The following SETBP1 variants were observed in gnomAD, a reference collection of about 807,000 sequenced individuals.
SETBP1 encodes the protein SET binding protein 1.
A neutral mutation model predicts 101.0 loss-of-function variants in SETBP1; 9 were observed. The ratio of observed to expected loss-of-function variants is 0.09; its 90% CI spans 0.05 to 0.16. The LOEUF is 0.16. Ranked by LOEUF, SETBP1 falls within the 10% of genes least tolerant of loss-of-function variation. SETBP1 has a pLI of 1.00. For synonymous variants in SETBP1, 818 were observed against 788.5 expected (o/e 1.04, Z -0.63); for missense variants, 1,858 against 2,033.8 (o/e 0.91, Z 1.66).
In SETBP1 at chr18:44,829,353, C is replaced by CTA. The variant is rs1309845167; in HGVS notation, c.487-39875_487-39874dup. Among the ~76,000 whole-genome samples the CTA allele has an allele frequency of 2.0e-5, 3 of 152,206 alleles. No homozygotes were observed. The East Asian group carries it at 5.8e-4, about 29-fold the overall frequency. ...TAATTTTTTTTGGTCAAGTATAATT[C>CTA]TATTGAAAAGACGAAATTTTGCTGA... On this transcript the variant is annotated intron_variant, in intron 2 of 5. Coordinates refer to ENST00000649279, the MANE Select transcript of SETBP1 (RefSeq NM_015559.3).
At chr18:44,818,770 C>T (rs1039691053) in intron 2 of SETBP1, among the ~76,000 whole-genome samples, 16 of 151,506 alleles carry the variant, frequency 1.1e-4, no homozygotes, top group Non-Finnish European at 2.1e-4. Flanking sequence ...CACACACACA[C>T]ACACACACAC....
intron 4 of SETBP1, among the ~76,000 whole-genome samples, chr18:45,009,782 G>A (rs2072801469): frequency 6.6e-6 from 1 of 152,116 alleles, no homozygotes; most frequent in Non-Finnish European, 1.5e-5. Context: ...GACCTGCATT[G>A]TTGCATACCA....
At chr18:44,723,978 C>A (rs1026755343) in intron 2 of SETBP1, among the ~76,000 whole-genome samples, 2 of 152,296 alleles carry the variant, frequency 1.3e-5, no homozygotes, top group African/African-American at 4.8e-5. Flanking sequence ...AGCCAAGAGA[C>A]AGAACTATTA....
intron 3 of SETBP1, among the ~76,000 whole-genome samples, chr18:44,916,088 T>C (rs769424332): frequency 2.6e-5 from 4 of 152,022 alleles, no homozygotes; most frequent in Non-Finnish European, 4.4e-5. Flanking sequence ...TAGCCAGTCA[T>C]GGTGGTACGC....
At chr18:44,981,170 C>T (rs1040294990) in intron 4 of SETBP1, among the ~76,000 whole-genome samples, 1 of 152,230 alleles carries the variant, frequency 6.6e-6, no homozygotes. Flanking sequence ...CTTCAAGGCC[C>T]TCAATTCCAG....
intron 2 of SETBP1, among the ~76,000 whole-genome samples, chr18:44,827,800 G>C (rs544568118): frequency 3.9e-5 from 6 of 152,184 alleles, no homozygotes; most frequent in Non-Finnish European, 7.3e-5. Context: ...CACTCTGCAC[G>C]TGCCACATTT....
At chr18:44,726,717 A>G (rs897404775) in intron 2 of SETBP1, among the ~76,000 whole-genome samples, 3 of 152,242 alleles carry the variant, frequency 2.0e-5, no homozygotes, top group Non-Finnish European at 4.4e-5. Flanking sequence ...TATGTAAAGT[A>G]CACAAAGACT....
chr18:44,911,230 C>T (rs1174331398), intron 3 of SETBP1, among the ~76,000 whole-genome samples: 1 of 152,038 alleles, frequency 6.6e-6, no homozygotes, highest in African/African-American at 2.4e-5. Context: ...TTTGAGGCTT[C>T]TATTATTGAA....
At chr18:44,947,886 G>C (rs776903711) in intron 3 of SETBP1, among the ~76,000 whole-genome samples, 1 of 152,174 alleles carries the variant, frequency 6.6e-6, no homozygotes, top group Non-Finnish European at 1.5e-5. Flanking sequence ...ATACCCTAAG[G>C]AGCAGAGAAC....
intron 4 of SETBP1, among the ~76,000 whole-genome samples, chr18:44,974,165 A>G (rs540431244): frequency 3.9e-5 from 6 of 152,276 alleles, no homozygotes; most frequent in African/African-American, 1.2e-4. Context: ...AAATGTTTCC[A>G]CTCAATTTCC....
chr18:44,799,683 G>T (rs1599143896), intron 2 of SETBP1, among the ~76,000 whole-genome samples: 1 of 152,138 alleles, frequency 6.6e-6, no homozygotes, highest in Admixed American at 6.5e-5. Flanking sequence ...GCTAAAAAGA[G>T]GGCACAAGCA....
intron 2 of SETBP1, among the ~76,000 whole-genome samples, chr18:44,830,486 T>A (rs962327190): frequency 5.3e-5 from 8 of 152,282 alleles, no homozygotes; most frequent in African/African-American, 1.9e-4. Context: ...AAGGGAGAAT[T>A]TCAGGCTAAG....
intron 1 of SETBP1, among the ~76,000 whole-genome samples, chr18:44,688,475 GA>G (rs1472837363): frequency 1.3e-5 from 2 of 150,422 alleles, no homozygotes; most frequent in Non-Finnish European, 3.0e-5. Context: ...TGAGACCTTT[GA>G]TTTTTTTTTT....
At position 44,727,219 on chromosome 18, in the gene SETBP1, T is replaced by TG. The variant is rs1555673193; in HGVS notation, c.486+25387_486+25388insG. 2.8e-4 allele frequency among the ~76,000 whole-genome samples: 43 copies of TG among 151,412 alleles called. No homozygotes were observed. In the East Asian group the frequency reaches 6.8e-3, roughly 24 times the overall value. Reference sequence around the variant, plus strand: ...GTGTGTGTGTGTGTGTGTGTGTGTGTTGATACCCAAATAAAACAAACTCTT... The same window carrying TG: ...GTGTGTGTGTGTGTGTGTGTGTGTGTGTGATACCCAAATAAAACAAACTCTT... On this transcript the variant is annotated intron_variant, in intron 2 of 5. Coordinates refer to ENST00000649279, the MANE Select transcript of SETBP1 (RefSeq NM_015559.3).
intron 3 of SETBP1, among the ~76,000 whole-genome samples, chr18:44,910,261 G>A (rs2070275678): frequency 6.6e-6 from 1 of 152,102 alleles, no homozygotes; most frequent in Non-Finnish European, 1.5e-5. Flanking sequence ...TATAATAATA[G>A]GTCACCATTC....
chr18:44,957,925 T>G (rs529959852), intron 4 of SETBP1, among the ~76,000 whole-genome samples: 1 of 152,308 alleles, frequency 6.6e-6, no homozygotes, highest in East Asian at 1.9e-4. Context: ...TTATTCCAAG[T>G]CCAATTCTGA....
intron 2 of SETBP1, among the ~76,000 whole-genome samples, chr18:44,806,702 TA>T (rs2144806469): frequency 6.9e-6 from 1 of 144,544 alleles, no homozygotes; most frequent in South Asian, 2.3e-4. Flanking sequence ...AGGGTCTTGT[TA>T]CATTGCCCAG....
Position 45,038,685 on chromosome 18 carries a change from C to T in SETBP1, c.4171+30C>T, listed in dbSNP as rs371386717. On this transcript the variant is annotated intron_variant, in intron 5 of 5. Coordinates refer to ENST00000649279, the MANE Select transcript of SETBP1 (RefSeq NM_015559.3). The stretch of plus-strand genomic sequence containing the variant: ...GCACTTTTCAGATGCTTTGGGTTCA[C>T]CCCAAGCAAGATGAATGTGGAGAAA... The T allele has an allele frequency of 2.4e-5, 38 of 1,612,134 alleles. No individual in the cohort carries two copies. In the African/African-American group the frequency reaches 4.5e-4, roughly 19 times the overall value.
intron 3 of SETBP1, among the ~76,000 whole-genome samples, chr18:44,933,727 G>A (rs62090471): frequency 0.11 from 16,652 of 152,232 alleles, 910 homozygotes; most frequent in East Asian, 0.15. Context: ...GTGAGGCTCC[G>A]TGGGTGTGGT....
Sources: allele counts gnomAD v4.1 joint callset (sites outside exome capture counted in the v4.1 genomes callset), GRCh38; gene constraint gnomAD v4.1.1; transcripts MANE v1.5; gene names NCBI Gene and HGNC (gene_info 2026-07-23, HGNC 2026-07-21).